The following VPS37C variants were observed in gnomAD, a reference collection of about 807,000 sequenced individuals.
VPS37C encodes the protein VPS37C subunit of ESCRT-I, also known as vacuolar protein sorting-associated protein 37C.
Under a neutral mutation model 16.1 loss-of-function variants are expected in VPS37C, and 9 were observed. That is an observed-to-expected ratio of 0.56 (90% confidence interval 0.34 to 0.97). The LOEUF (loss-of-function observed/expected upper bound fraction) is 0.97, where lower values mean the gene tolerates loss of function less well. Among genes scored for constraint, VPS37C ranks in the 50% least tolerant of loss-of-function variants. The pLI is 0.02. For missense variants in VPS37C, 479 were observed against 472.7 expected, an observed-to-expected ratio of 1.01 and a Z score of -0.12; for synonymous variants, 207 against 206.4, an observed-to-expected ratio of 1.00 and a Z score of -0.02.
intron 1 of VPS37C, among the ~76,000 whole-genome samples, chr11:61,155,109 A>G (rs1430896361): frequency 1.3e-5 from 2 of 150,406 alleles, no homozygotes; most frequent in East Asian, 2.0e-4. Flanking sequence ...GTCTCCAAAA[A>G]AAAAAAAAAG....
chr11:61,133,161 A>G, intron 4 of VPS37C, 94 bp downstream of exon 4: 2 of 1,381,584 alleles, frequency 1.4e-6, no homozygotes, highest in Non-Finnish European at 2.0e-6. Context: ...CCCTTGTTCC[A>G]TGCTTTGCAG....
At chr11:61,151,779 A>G (rs1853301484) in intron 1 of VPS37C, among the ~76,000 whole-genome samples, 1 of 152,200 alleles carries the variant, frequency 6.6e-6, no homozygotes, top group Non-Finnish European at 1.5e-5. Context: ...GCTGGATGTA[A>G]TCAGACCAAC....
intron 2 of VPS37C, among the ~76,000 whole-genome samples, chr11:61,137,162 A>G (rs1861391280): frequency 6.6e-6 from 1 of 152,068 alleles, no homozygotes; most frequent in South Asian, 2.1e-4. Context: ...TTCTACACGG[A>G]GAGAGCCCCT....
At chr11:61,134,444 T>A (rs896243741) in intron 2 of VPS37C, among the ~76,000 whole-genome samples, 1 of 152,198 alleles carries the variant, frequency 6.6e-6, no homozygotes. Context: ...CATGGGAACC[T>A]GGCGCTGAAG....
chr11:61,153,782 G>A (rs963712438), intron 1 of VPS37C, among the ~76,000 whole-genome samples: 1 of 152,168 alleles, frequency 6.6e-6, no homozygotes, highest in African/African-American at 2.4e-5. Context: ...AGTTCACAGG[G>A]CAGAGTACCA....
At chr11:61,134,547 C>G (rs944718686) in intron 2 of VPS37C, among the ~76,000 whole-genome samples, 2 of 152,196 alleles carry the variant, frequency 1.3e-5, no homozygotes, top group Non-Finnish European at 2.9e-5. Context: ...TGAGAAAAAG[C>G]AGAGGCTTTC....
chr11:61,160,194 C>T (rs557167802), intron 1 of VPS37C, among the ~76,000 whole-genome samples: 18 of 152,278 alleles, frequency 1.2e-4, no homozygotes, highest in Middle Eastern at 3.4e-3. Context: ...AGGCACGGAA[C>T]CACATTTCCA....
chr11:61,134,214 G>A lies in VPS37C; in HGVS notation c.94-7C>T. 3 of 1,607,248 alleles carry A rather than the reference G, an allele frequency of 1.9e-6. No homozygotes were observed. The highest frequency in any genetic ancestry group is 2.6e-6 in the Non-Finnish European group (3 of 1,174,908). On this transcript the variant is annotated splice_region_variant and splice_polypyrimidine_tract_variant and intron_variant, in intron 2 of 4. Coordinates refer to ENST00000301765, the MANE Select transcript of VPS37C (RefSeq NM_017966.5). ...CCAGCTGTAGGTCCTGGACCTAAAAGGGCAGGACAACAGAACCTAAGGAAA... is the reference window on the plus strand; with the variant it reads ...CCAGCTGTAGGTCCTGGACCTAAAAAGGCAGGACAACAGAACCTAAGGAAA...
chr11:61,139,971 G>A (rs554250937), intron 1 of VPS37C, among the ~76,000 whole-genome samples: 1 of 152,202 alleles, frequency 6.6e-6, no homozygotes, highest in East Asian at 1.9e-4. Context: ...TCGAACTACT[G>A]GGCTCAAACA....
chr11:61,135,409 G>T lies in VPS37C; in HGVS notation c.94-1202C>A, dbSNP rs79308155. On this transcript the variant is annotated intron_variant, in intron 2 of 4. Coordinates refer to ENST00000301765, the MANE Select transcript of VPS37C (RefSeq NM_017966.5). ...AGGCTGCCAGGGTTCAGGGATGTAG[G>T]GCCCAGGGTCTGTCCAGCCTAGAGC... Among the ~76,000 whole-genome samples, 6 of 152,318 alleles carry T rather than the reference G, an allele frequency of 3.9e-5. No homozygotes were observed. The East Asian group carries it at 1.2e-3, about 29-fold the overall frequency.
At chr11:61,136,269 G>C (rs578141504) in intron 2 of VPS37C, among the ~76,000 whole-genome samples, 2 of 150,194 alleles carry the variant, frequency 1.3e-5, no homozygotes, top group Non-Finnish European at 3.0e-5. Context: ...GGGTTCAAGC[G>C]ATTCTCCTGC....
chr11:61,147,752 C>A (rs528151643), intron 1 of VPS37C, among the ~76,000 whole-genome samples: 3 of 152,148 alleles, frequency 2.0e-5, no homozygotes, highest in African/African-American at 7.2e-5. Flanking sequence ...AGTGAGGGCA[C>A]TGAGATGAGA....
intron 4 of VPS37C, chr11:61,132,808 GC>G: frequency 1.7e-6 from 1 of 577,770 alleles, no homozygotes; most frequent in Non-Finnish European, 3.1e-6. Flanking sequence ...GCCCACAGTG[GC>G]CACTGCATAT....
At position 61,130,920 on chromosome 11, in the gene VPS37C, G is replaced by C; in HGVS notation, c.*900C>G. 1 of 393,540 alleles carries C rather than the reference G, an allele frequency of 2.5e-6. No homozygotes were observed. The highest frequency in any genetic ancestry group is 1.8e-5 in the South Asian group (1 of 55,034). The allele number at this position is 393,540 out of a possible 1,614,324, so 24.4% of individuals were successfully genotyped here. ...AAGGGAGGGGGCTGCTTGTGAATGAGATTCAAGGCACTAAAGGAGTGGATG... is the reference window on the plus strand; with the variant it reads ...AAGGGAGGGGGCTGCTTGTGAATGACATTCAAGGCACTAAAGGAGTGGATG... On this transcript the variant is annotated 3_prime_UTR_variant, in exon 5 of 5. Transcript: ENST00000301765.
At chr11:61,135,576 G>A (rs1438597784) in intron 2 of VPS37C, among the ~76,000 whole-genome samples, 1 of 152,202 alleles carries the variant, frequency 6.6e-6, no homozygotes, top group Non-Finnish European at 1.5e-5. Context: ...TGGGACTACA[G>A]GCATGCACCA....
At position 61,136,625 on chromosome 11, in the gene VPS37C, T is replaced by A. The variant is rs557911730; in HGVS notation, c.93+2112A>T. Among the ~76,000 whole-genome samples, 17 of 151,922 alleles carry A rather than the reference T, an allele frequency of 1.1e-4. No homozygotes were observed. The South Asian group carries it at 3.3e-3, about 30-fold the overall frequency. ...CACTGAAAAGAGGTAAGACTAAAAA[T>A]AGGTAAATAAAAGATGTTTTCACAT... On this transcript the variant is annotated intron_variant, in intron 2 of 4. Transcript: ENST00000301765.
chr11:61,134,227 G>A lies in VPS37C; in HGVS notation c.94-20C>T, dbSNP rs183301040. 2.1e-5 allele frequency: 33 copies of A among 1,597,202 alleles called. No homozygotes were observed. The Admixed American group carries it at 4.0e-4, about 20-fold the overall frequency. On this transcript the variant is annotated intron_variant, in intron 2 of 4. Coordinates refer to ENST00000301765, the MANE Select transcript of VPS37C (RefSeq NM_017966.5). The stretch of plus-strand genomic sequence containing the variant: ...CTGGACCTAAAAGGGCAGGACAACA[G>A]AACCTAAGGAAAACGTCCATCACCC...
At chr11:61,159,611 A>G (rs1160714077) in intron 1 of VPS37C, among the ~76,000 whole-genome samples, 1 of 151,998 alleles carries the variant, frequency 6.6e-6, no homozygotes. Context: ...CCTGGCCAAC[A>G]TGGTGAAACC....
chr11:61,147,407 G>A (rs1019216768), intron 1 of VPS37C, among the ~76,000 whole-genome samples: 4 of 152,068 alleles, frequency 2.6e-5, no homozygotes, highest in African/African-American at 4.8e-5. Flanking sequence ...TGACTAAATC[G>A]ATCCCACAGG....
Sources: allele counts gnomAD v4.1 joint callset (sites outside exome capture counted in the v4.1 genomes callset), GRCh38; gene constraint gnomAD v4.1.1; transcripts MANE v1.5; gene names NCBI Gene and HGNC (gene_info 2026-07-23, HGNC 2026-07-21).